The following CCSER1 variants were observed in gnomAD, a reference collection of about 807,000 sequenced individuals.
CCSER1 encodes the protein serine-rich coiled-coil domain-containing protein 1.
In CCSER1, 41 loss-of-function variants were observed where a neutral mutation model predicts 82.0. That is an observed-to-expected ratio of 0.50 (90% CI 0.39 to 0.65). The LOEUF (loss-of-function observed/expected upper bound fraction) is 0.65, where lower values mean the gene tolerates loss of function less well. CCSER1 is among the 30% of genes least tolerant of loss of function. CCSER1 has a pLI of 0.00. For missense variants in CCSER1, 1,119 were observed against 1,064.2 expected, an observed-to-expected ratio of 1.05 and a Z score of -0.72; for synonymous variants, 414 against 383.9, an observed-to-expected ratio of 1.08 and a Z score of -0.92.
intron 6 of CCSER1, among the ~76,000 whole-genome samples, chr4:90,652,166 GT>G (rs879636230): frequency 1.3e-5 from 2 of 151,906 alleles, no homozygotes; most frequent in Non-Finnish European, 2.9e-5. Context: ...TAATTTATAA[GT>G]AAATTTTAAA....
Position 90,765,179 on chromosome 4 carries a change from A to G in CCSER1, c.2010+41188A>G, listed in dbSNP as rs1308804070. On this transcript the variant is annotated intron_variant, in intron 7 of 10. Transcript: ENST00000509176. ...CTGCTATGTCCTTAGAGGAGTTTCT[A>G]TTATCAAACTTGAATTGGAATAACA... 3.3e-5 allele frequency among the ~76,000 whole-genome samples: 5 copies of G among 152,274 alleles called. No individual in the cohort carries two copies. In the East Asian group the frequency reaches 5.8e-4, roughly 18 times the overall value.
intron 10 of CCSER1, among the ~76,000 whole-genome samples, chr4:91,333,867 A>C (rs1381484538): frequency 6.6e-6 from 1 of 152,058 alleles, no homozygotes; most frequent in African/African-American, 2.4e-5. Flanking sequence ...GGATTGACTT[A>C]TGTCTGAGTG....
intron 10 of CCSER1, among the ~76,000 whole-genome samples, chr4:91,403,638 A>G (rs1370224006): frequency 6.6e-6 from 1 of 152,290 alleles, no homozygotes; most frequent in South Asian, 2.1e-4. Flanking sequence ...CCTTTTCTGC[A>G]TCCATTGAGG....
intron 5 of CCSER1, among the ~76,000 whole-genome samples, chr4:90,532,719 C>A (rs966888626): frequency 6.6e-6 from 1 of 152,092 alleles, no homozygotes; most frequent in African/African-American, 2.4e-5. Context: ...TACCAAAATT[C>A]TTTTCTATTT....
intron 10 of CCSER1, among the ~76,000 whole-genome samples, chr4:91,462,416 C>T (rs1048006817): frequency 5.9e-5 from 9 of 152,090 alleles, no homozygotes; most frequent in African/African-American, 2.2e-4. Flanking sequence ...CTCTAGTCTA[C>T]AGCTCCTAGC....
At chr4:90,246,016 G>A (rs749563314) in intron 1 of CCSER1, among the ~76,000 whole-genome samples, 2 of 152,124 alleles carry the variant, frequency 1.3e-5, no homozygotes, top group African/African-American at 4.8e-5. Flanking sequence ...AAATAGTCAC[G>A]CCTGTCATAG....
chr4:90,417,401 T>C (rs1755972196), intron 4 of CCSER1, among the ~76,000 whole-genome samples: 1 of 152,098 alleles, frequency 6.6e-6, no homozygotes, highest in Non-Finnish European at 1.5e-5. Context: ...TCATTAATAC[T>C]CAAAGAGAAA....
In CCSER1 at chr4:90,325,918, A is replaced by G. The variant is rs527314554; in HGVS notation, c.1509+12871A>G. On this transcript the variant is annotated intron_variant, in intron 3 of 10. Transcript: ENST00000509176. ...AATATAGAAATATCTAAATATATTC[A>G]TACTCTTTTTAAGTAATTTTAAAAT... Among the ~76,000 whole-genome samples the G allele has an allele frequency of 1.5e-3, 226 of 152,294 alleles. 1 individual carries two copies. Among genetic ancestry groups the G allele is most frequent in the Middle Eastern group, 3.4e-3 (1 of 294 alleles).
intron 4 of CCSER1, among the ~76,000 whole-genome samples, chr4:90,410,802 C>G (rs1754644699): frequency 6.6e-6 from 1 of 152,046 alleles, no homozygotes; most frequent in Admixed American, 6.5e-5. Context: ...AATAGAGACA[C>G]AAAAAACCCT....
At chr4:91,297,738 A>C (rs1744325520) in intron 10 of CCSER1, among the ~76,000 whole-genome samples, 1 of 152,010 alleles carries the variant, frequency 6.6e-6, no homozygotes, top group South Asian at 2.1e-4. Flanking sequence ...AATAGAAATA[A>C]GGACAGTATG....
chr4:91,085,660 C>G (rs779525800), intron 9 of CCSER1, among the ~76,000 whole-genome samples: 3 of 152,012 alleles, frequency 2.0e-5, no homozygotes, highest in Non-Finnish European at 4.4e-5. Context: ...GTTTAAACAT[C>G]TTTGGTTTCA....
At chr4:90,668,026 C>T (rs1732127646) in intron 6 of CCSER1, among the ~76,000 whole-genome samples, 1 of 152,040 alleles carries the variant, frequency 6.6e-6, no homozygotes, top group African/African-American at 2.4e-5. Context: ...GGAGCTGTGT[C>T]AAAATAGTTG....
At position 91,598,474 on chromosome 4, in the gene CCSER1, C is replaced by T. The variant is rs529906321; in HGVS notation, c.2218-98C>T. 87 of 1,251,674 alleles carry T rather than the reference C, an allele frequency of 7.0e-5. 1 individual carries two copies. In the South Asian group the frequency reaches 1.3e-3, roughly 19 times the overall value. 77.5% of individuals were successfully genotyped at this position (1,251,674 alleles called of 1,614,324 possible). A position where few individuals can be genotyped will look rare whatever the true frequency, so the allele number is the denominator to read the frequency against. Reference sequence around the variant, plus strand: ...TTTTATAAACCTCATTGAAAATTTACGGGTTCAGACACAAATGTATAAATA... The same window carrying T: ...TTTTATAAACCTCATTGAAAATTTATGGGTTCAGACACAAATGTATAAATA... On this transcript the variant is annotated intron_variant, in intron 10 of 10. Transcript: ENST00000509176.
At chr4:90,184,180 A>G (rs544024865) in intron 1 of CCSER1, among the ~76,000 whole-genome samples, 34 of 152,232 alleles carry the variant, frequency 2.2e-4, no homozygotes, top group Admixed American at 2.2e-3. Context: ...CTAGTTTATT[A>G]TTACATTAGT....
rs962476369 is a variant in CCSER1, at chr4:91,573,344, G to A, written c.2218-25228G>A. The stretch of plus-strand genomic sequence containing the variant: ...AGACACCAAGGAAGTAAATCCTGCA[G>A]GCTGTCACTGCTCAGCCCCCTGGAT... On this transcript the variant is annotated intron_variant, in intron 10 of 10. Coordinates refer to ENST00000509176, the MANE Select transcript of CCSER1 (RefSeq NM_001145065.2). Among the ~76,000 whole-genome samples, 6 of 152,180 alleles carry A rather than the reference G, an allele frequency of 3.9e-5. No individual in the cohort carries two copies. In the South Asian group the frequency reaches 1.2e-3, roughly 31 times the overall value.
chr4:91,256,078 C>A (rs1004357106), intron 10 of CCSER1, among the ~76,000 whole-genome samples: 4 of 152,134 alleles, frequency 2.6e-5, no homozygotes, highest in Non-Finnish European at 4.4e-5. Context: ...TCGCTCAATT[C>A]TTTCCCCAGT....
At chr4:90,192,774 T>C (rs999891097) in intron 1 of CCSER1, among the ~76,000 whole-genome samples, 1 of 151,988 alleles carries the variant, frequency 6.6e-6, no homozygotes, top group Non-Finnish European at 1.5e-5. Context: ...CTGAAGTTAG[T>C]AAAAAAATTT....
At chr4:91,052,484 C>A (rs991191814) in intron 9 of CCSER1, among the ~76,000 whole-genome samples, 6 of 151,980 alleles carry the variant, frequency 3.9e-5, no homozygotes, top group Non-Finnish European at 8.8e-5. Flanking sequence ...TATGTCATCC[C>A]GTCTATGATC....
chr4:90,880,790 G>A (rs1264058271), intron 8 of CCSER1, among the ~76,000 whole-genome samples: 2 of 152,068 alleles, frequency 1.3e-5, no homozygotes, highest in African/African-American at 4.8e-5. Context: ...TCCTGTACCT[G>A]GAGGTATCAC....
Sources: gnomAD v4.1 joint callset for allele counts (sites outside exome capture counted in the v4.1 genomes callset) on GRCh38, gnomAD v4.1.1 for gene constraint, MANE v1.5 for transcripts, NCBI Gene and HGNC (gene_info 2026-07-23, HGNC 2026-07-21) for gene names.